Variants in PMS1 observed in about 807,000 individuals in gnomAD.
PMS1 encodes the protein PMS1 homolog 1, mismatch repair system component, also known as PMS1 protein homolog 1.
Under a neutral mutation model 93.1 loss-of-function variants are expected in PMS1, and 79 were observed. The ratio of observed to expected loss-of-function variants is 0.85; its 90% CI spans 0.71 to 1.02. PMS1 has a LOEUF of 1.02. Among genes scored for constraint, PMS1 ranks in the 50% least tolerant of loss-of-function variants. The probability of loss-of-function intolerance (pLI) is 0.00; values close to 1 mark genes in which losing one functional copy is unlikely to be tolerated. For missense variants in PMS1, 1,064 were observed against 1,085.3 expected (o/e 0.98, Z 0.28); for synonymous variants, 335 against 363.4 (o/e 0.92, Z 0.89).
chr2:189,844,227 C>T (rs2054053072), intron 6 of PMS1, 147 bp downstream of exon 6: 25 of 1,333,030 alleles, frequency 1.9e-5, no homozygotes, highest in Non-Finnish European at 2.4e-5. Context: ...CAATACAGAG[C>T]TTATGTTAAA....
intron 2 of PMS1, among the ~76,000 whole-genome samples, chr2:189,794,383 G>A (rs149602672): frequency 1.1e-3 from 167 of 152,290 alleles, no homozygotes; most frequent in East Asian, 4.6e-3. Flanking sequence ...CCAAAGTGCT[G>A]CAATTACTTG....
At chr2:189,824,512 G>T (rs2052250911) in intron 5 of PMS1, among the ~76,000 whole-genome samples, 2 of 151,980 alleles carry the variant, frequency 1.3e-5, no homozygotes, top group African/African-American at 4.8e-5. Context: ...GGAAATAAAA[G>T]AAATTGGAAA....
In PMS1 at chr2:189,863,996, A is replaced by G. The variant is rs756580931; in HGVS notation, c.2110A>G (p.Lys704Glu). 1 of 1,608,476 alleles carries G rather than the reference A, an allele frequency of 6.2e-7. No homozygotes were observed. Among genetic ancestry groups the G allele is most frequent in the Non-Finnish European group, 8.5e-7 (1 of 1,176,038 alleles). The change falls in exon 10 of 13, where the codon AAA becomes GAA. Residue 704 changes from lysine (K) to glutamate (E), a missense_variant. Transcript: ENST00000441310. ...IKMVQIPFSM[K>E]NLKINFKKQN... is the part of the protein sequence containing the mutation. ...AATGGTACAGATCCCCTTTTCTATG[A>G]AAAACTTAAAAATAAATTTTAAGAA... is the stretch of plus-strand genomic sequence containing the variant.
rs565162200 is a variant in PMS1, at chr2:189,870,970, CT to C, written c.2474-2524del. 3.9e-5 allele frequency among the ~76,000 whole-genome samples: 6 copies of C among 152,274 alleles called. No homozygotes were observed. In the East Asian group the frequency reaches 9.7e-4, roughly 25 times the overall value. On this transcript the variant is annotated intron_variant, in intron 11 of 12. Coordinates refer to ENST00000441310, the MANE Select transcript of PMS1 (RefSeq NM_000534.5). ...GAGACTAAAAGAAATGACCACAAGC[CT>C]TCCTTACAAAGAAAAGAGGTTTATT...
At chr2:189,829,211 C>T (rs2052710586) in intron 5 of PMS1, among the ~76,000 whole-genome samples, 1 of 152,160 alleles carries the variant, frequency 6.6e-6, no homozygotes, top group African/African-American at 2.4e-5. Flanking sequence ...TGATGGCTTG[C>T]ACTCTGAAGA....
intron 12 of PMS1, among the ~76,000 whole-genome samples, chr2:189,875,750 T>G (rs1209778270): frequency 6.6e-6 from 1 of 151,844 alleles, no homozygotes; most frequent in Non-Finnish European, 1.5e-5. Flanking sequence ...ATCAGGAGTT[T>G]GAGACTAGCC....
chr2:189,869,096 G>A (rs953742882), intron 11 of PMS1, among the ~76,000 whole-genome samples: 1 of 152,210 alleles, frequency 6.6e-6, no homozygotes, highest in Non-Finnish European at 1.5e-5. Context: ...CAGAAGTTAA[G>A]TTTGCTCAAG....
At chr2:189,833,711 G>T (rs1026370542) in intron 5 of PMS1, among the ~76,000 whole-genome samples, 3 of 152,144 alleles carry the variant, frequency 2.0e-5, no homozygotes, top group Non-Finnish European at 4.4e-5. Context: ...TTAAAAACCT[G>T]AACCCCCCCT....
intron 4 of PMS1, among the ~76,000 whole-genome samples, chr2:189,810,542 G>A (rs2050751670): frequency 6.6e-6 from 1 of 152,188 alleles, no homozygotes; most frequent in Non-Finnish European, 1.5e-5. Context: ...AGACATGACA[G>A]ATTAGAATAT....
Position 189,877,513 on chromosome 2 carries a change from T to C in PMS1, c.*77T>C, listed in dbSNP as rs2057671390. The C allele has an allele frequency of 1.0e-6, 1 of 960,286 alleles. No individual in the cohort carries two copies. Among genetic ancestry groups the C allele is most frequent in the South Asian group, 1.4e-5 (1 of 72,388 alleles). The allele number at this position is 960,286 out of a possible 1,614,324, so 59.5% of individuals were successfully genotyped here. A position where few individuals can be genotyped will look rare whatever the true frequency, so the allele number is the denominator to read the frequency against. On this transcript the variant is annotated 3_prime_UTR_variant, in exon 13 of 13. Coordinates refer to ENST00000441310, the MANE Select transcript of PMS1 (RefSeq NM_000534.5). ...ACAGCATGAGTCTGGTTTTAAATTA[T>C]CTTTGTATTATGTGTCACATGGTTA... is the stretch of plus-strand genomic sequence containing the variant.
In PMS1 at chr2:189,867,937, A is replaced by C; in HGVS notation, c.2473+8A>C. The C allele has an allele frequency of 6.2e-7, 1 of 1,605,796 alleles. No homozygotes were observed. Among genetic ancestry groups the C allele is most frequent in the Non-Finnish European group, 8.5e-7 (1 of 1,172,580 alleles). Reference sequence around the variant, plus strand: ...AGATAAAATTGATACCAGGTATGATAGTGTGGTTTAATATTTTCTGATGTG... The same window carrying C: ...AGATAAAATTGATACCAGGTATGATCGTGTGGTTTAATATTTTCTGATGTG... On this transcript the variant is annotated splice_region_variant and intron_variant, in intron 11 of 12. Transcript: ENST00000441310.
intron 3 of PMS1, 68 bp downstream of exon 3, chr2:189,796,019 AG>A: frequency 9.3e-7 from 1 of 1,070,456 alleles, no homozygotes; most frequent in Non-Finnish European, 1.5e-6. Context: ...AAACTAACCC[AG>A]TATTTGGTGA....
chr2:189,807,756 A>T (rs1477937749), intron 4 of PMS1, among the ~76,000 whole-genome samples: 1 of 152,240 alleles, frequency 6.6e-6, no homozygotes, highest in African/African-American at 2.4e-5. Context: ...CCAGGTATGC[A>T]TATTAAGGAA....
intron 4 of PMS1, among the ~76,000 whole-genome samples, chr2:189,808,360 C>G (rs1229078533): frequency 6.6e-6 from 1 of 152,070 alleles, no homozygotes; most frequent in Non-Finnish European, 1.5e-5. Flanking sequence ...CAGAGTCTTA[C>G]TCTGTCGCCC....
intron 6 of PMS1, among the ~76,000 whole-genome samples, chr2:189,849,207 G>A (rs994900314): frequency 6.6e-6 from 1 of 152,024 alleles, no homozygotes; most frequent in Non-Finnish European, 1.5e-5. Context: ...ATTTCCCATC[G>A]TGACTTTGTG....
At chr2:189,798,757 AT>A (rs757864750) in intron 3 of PMS1, among the ~76,000 whole-genome samples, 8,859 of 79,932 alleles carry the variant, frequency 0.11, 421 homozygotes, top group African/African-American at 0.25. Context: ...TAAGTATTTG[AT>A]TTTTTTTTTT....
chr2:189,788,759 G>A (rs374291481), intron 1 of PMS1, among the ~76,000 whole-genome samples: 2 of 152,244 alleles, frequency 1.3e-5, no homozygotes, highest in East Asian at 1.9e-4. Flanking sequence ...TTAATGCTGA[G>A]TTGGAAATTG....
rs2066456 is a variant in PMS1 at position 189,863,781 on chromosome 2, A to G, written c.1895A>G (p.Asn632Ser). 521 of 1,608,090 alleles carry G rather than the reference A, an allele frequency of 3.2e-4. No homozygotes were observed. The African/African-American group carries it at 5.9e-3, about 18-fold the overall frequency. Residue 632 changes from asparagine (N) to serine (S), a missense_variant, in exon 10 of 13, where the codon AAT becomes AGT. By Grantham distance (46) the Asn-to-Ser change is conservative. Coordinates refer to ENST00000441310, the MANE Select transcript of PMS1 (RefSeq NM_000534.5). ...GCTACTAAAGACTTGGAACGATACA[A>G]TAGTCAAATGAAGAGAGCCATTGAA... ...EKATKDLERY[N>S]SQMKRAIEQE...
At chr2:189,823,827 A>G (rs1175309642) in intron 5 of PMS1, among the ~76,000 whole-genome samples, 1 of 152,100 alleles carries the variant, frequency 6.6e-6, no homozygotes, top group Non-Finnish European at 1.5e-5. Flanking sequence ...ACATCTCAGT[A>G]CACTTAGGGG....
Sources: allele counts gnomAD v4.1 joint callset (sites outside exome capture counted in the v4.1 genomes callset), GRCh38; gene constraint gnomAD v4.1.1; transcripts MANE v1.5; gene names NCBI Gene and HGNC (gene_info 2026-07-23, HGNC 2026-07-21).